The following HTR1E variants were observed in gnomAD, a reference collection of about 807,000 sequenced individuals.
The protein encoded by HTR1E is 5-HT-1E.
In HTR1E, 3 loss-of-function variants were observed where a neutral mutation model predicts 3.4. The ratio of observed to expected loss-of-function variants is 0.89; its 90% CI spans 0.41 to 2.31. HTR1E has a LOEUF of 2.31. Ranked by LOEUF, HTR1E falls within the 30% of genes most tolerant of loss-of-function variation. HTR1E has a pLI of 0.05. For missense variants in HTR1E, 392 were observed against 467.0 expected, an observed-to-expected ratio of 0.84 and a Z score of 1.48; for synonymous variants, 170 against 182.8, an observed-to-expected ratio of 0.93 and a Z score of 0.56.
chr6:86,975,842 ATTGT>A (rs145571084), intron 1 of HTR1E, among the ~76,000 whole-genome samples: 8,000 of 151,426 alleles, frequency 0.053, 270 homozygotes, highest in East Asian at 0.12. Context: ...CAATATAATC[ATTGT>A]TTAAGGGAAA....
At chr6:86,993,743 A>G (rs1767900593) in intron 1 of HTR1E, among the ~76,000 whole-genome samples, 1 of 152,112 alleles carries the variant, frequency 6.6e-6, no homozygotes, top group Admixed American at 6.6e-5. Flanking sequence ...TCATAATATA[A>G]TACCCAAAAT....
intron 1 of HTR1E, among the ~76,000 whole-genome samples, chr6:86,958,097 C>T (rs549604147): frequency 1.4e-5 from 2 of 139,568 alleles, no homozygotes; most frequent in Admixed American, 7.7e-5. Flanking sequence ...CTCGCTCTGT[C>T]GCCCAGGCTG....
rs201640439 is a variant in HTR1E at position 87,015,530 on chromosome 6, G to T, written c.196G>T (p.Val66Leu). The T allele has an allele frequency of 6.2e-7, 1 of 1,612,472 alleles. No homozygotes were observed. The highest frequency in any genetic ancestry group is 1.3e-5 in the African/African-American group (1 of 74,878). ...PANYLICSLA[V>L]TDLLVAVLVM... is the part of the protein sequence containing the mutation. ...CAACTACCTAATCTGTTCTCTGGCC[G>T]TGACGGACCTCCTGGTGGCAGTGCT... Residue 66 changes from valine to leucine, a missense_variant, in exon 2 of 2, where the codon GTG becomes TTG. Physicochemically the swap from Val to Leu is conservative, Grantham distance 32. Around this residue, in one of 3 missense-constraint regions of HTR1E, gnomAD observed 189 missense variants for 258.0 expected, o/e 0.73. Transcript: ENST00000305344.
At chr6:86,943,285 T>C (rs959657704) in intron 1 of HTR1E, among the ~76,000 whole-genome samples, 1 of 152,160 alleles carries the variant, frequency 6.6e-6, no homozygotes, top group Non-Finnish European at 1.5e-5. Flanking sequence ...TCTCATGGAA[T>C]GCTCTCCAGA....
chr6:87,003,355 T>A (rs112861399), intron 1 of HTR1E, among the ~76,000 whole-genome samples: 10 of 152,076 alleles, frequency 6.6e-5, no homozygotes, highest in Non-Finnish European at 1.3e-4. Flanking sequence ...CTGGCCAACA[T>A]GGCAAAACCC....
intron 1 of HTR1E, among the ~76,000 whole-genome samples, chr6:86,946,383 G>C (rs898256355): frequency 6.6e-6 from 1 of 152,204 alleles, no homozygotes; most frequent in Admixed American, 6.5e-5. Context: ...ACAGTAACAT[G>C]CTGTCTGGCT....
At chr6:86,958,661 G>A (rs2127819764) in intron 1 of HTR1E, among the ~76,000 whole-genome samples, 1 of 152,274 alleles carries the variant, frequency 6.6e-6, no homozygotes, top group South Asian at 2.1e-4. Flanking sequence ...ATGCCCTTGT[G>A]CCATTATTGT....
intron 1 of HTR1E, among the ~76,000 whole-genome samples, chr6:87,012,811 T>C (rs1768257478): frequency 6.6e-6 from 1 of 152,200 alleles, no homozygotes; most frequent in South Asian, 2.1e-4. Flanking sequence ...TATTCCTGAT[T>C]TAAAGAGGAG....
At chr6:87,006,084 T>C (rs1768102356) in intron 1 of HTR1E, among the ~76,000 whole-genome samples, 1 of 152,188 alleles carries the variant, frequency 6.6e-6, no homozygotes, top group Non-Finnish European at 1.5e-5. Flanking sequence ...CAATAACAAA[T>C]GCTGGTGAAG....
intron 1 of HTR1E, among the ~76,000 whole-genome samples, chr6:86,941,564 G>C (rs965961286): frequency 6.6e-6 from 1 of 152,136 alleles, no homozygotes; most frequent in African/African-American, 2.4e-5. Context: ...TGTAGGATTA[G>C]GAAGACAAAA....
chr6:86,977,352 C>A (rs191448736), intron 1 of HTR1E, among the ~76,000 whole-genome samples: 1 of 152,278 alleles, frequency 6.6e-6, no homozygotes, highest in Non-Finnish European at 1.5e-5. Context: ...CATGTTGCTA[C>A]AAAGGATATT....
chr6:86,955,745 T>C (rs1371053711), intron 1 of HTR1E, among the ~76,000 whole-genome samples: 1 of 151,756 alleles, frequency 6.6e-6, no homozygotes, highest in Non-Finnish European at 1.5e-5. Flanking sequence ...TGTGTGTGTG[T>C]ATGTATGTGT....
At chr6:86,942,023 C>G (rs1177450931) in intron 1 of HTR1E, among the ~76,000 whole-genome samples, 1 of 152,154 alleles carries the variant, frequency 6.6e-6, no homozygotes, top group Admixed American at 6.5e-5. Context: ...AATAAGAGAA[C>G]CCAGTAAGGT....
intron 1 of HTR1E, among the ~76,000 whole-genome samples, chr6:87,005,880 A>T: frequency 6.6e-6 from 1 of 152,142 alleles, no homozygotes; most frequent in East Asian, 1.9e-4. Context: ...AGCTCAAACA[A>T]CTCTATTGGA....
At chr6:86,950,975 T>C (rs1047492131) in intron 1 of HTR1E, among the ~76,000 whole-genome samples, 2 of 152,192 alleles carry the variant, frequency 1.3e-5, no homozygotes, top group Admixed American at 6.5e-5. Context: ...GGTTTGTCTA[T>C]TTTTAACTTT....
At chr6:86,946,173 G>A (rs778285483) in intron 1 of HTR1E, among the ~76,000 whole-genome samples, 5 of 152,214 alleles carry the variant, frequency 3.3e-5, no homozygotes, top group Non-Finnish European at 4.4e-5. Context: ...GTAGTGTACA[G>A]TAATGTACTA....
intron 1 of HTR1E, among the ~76,000 whole-genome samples, chr6:87,014,427 A>G (rs1423640267): frequency 6.6e-6 from 1 of 152,108 alleles, no homozygotes; most frequent in Non-Finnish European, 1.5e-5. Context: ...AACCAGAAAT[A>G]ACATTTGACT....
chr6:86,945,399 G>A (rs771001442), intron 1 of HTR1E, among the ~76,000 whole-genome samples: 3 of 151,942 alleles, frequency 2.0e-5, no homozygotes, highest in Non-Finnish European at 2.9e-5. Context: ...TCACCACCAT[G>A]CCCAGCTAAT....
intron 1 of HTR1E, among the ~76,000 whole-genome samples, chr6:86,938,616 C>A (rs767165590): frequency 6.6e-6 from 1 of 152,336 alleles, no homozygotes; most frequent in South Asian, 2.1e-4. Flanking sequence ...CCCAACGCTG[C>A]TTGTCCTTGA....
Sources: allele counts gnomAD v4.1 joint callset (sites outside exome capture counted in the v4.1 genomes callset), GRCh38; gene constraint gnomAD v4.1.1; regional missense constraint gnomAD v4.1.1; transcripts MANE v1.5; gene names NCBI Gene and HGNC (gene_info 2026-07-23, HGNC 2026-07-21).